HPCAL4: variants seen among roughly 807,000 people sequenced by gnomAD.
HPCAL4 encodes the protein hippocalcin-like protein 4.
Under a neutral mutation model 18.2 loss-of-function variants are expected in HPCAL4, and 16 were observed. The observed-to-expected ratio is 0.88, with a 90% CI of 0.59 to 1.33. The LOEUF (loss-of-function observed/expected upper bound fraction) is 1.33. Among genes scored for constraint, HPCAL4 ranks in the 40% most tolerant of loss-of-function variants. HPCAL4 has a pLI of 0.00. For missense variants in HPCAL4, 214 were observed against 256.6 expected (o/e 0.83, Z 1.14); for synonymous variants, 80 against 97.5 (o/e 0.82, Z 1.06).
chr1:39,683,831 C>A (rs982851803), intron 3 of HPCAL4, 106 bp downstream of exon 3: 5 of 982,690 alleles, frequency 5.1e-6, no homozygotes, highest in Non-Finnish European at 7.7e-6. Flanking sequence ...GGATCGCAGG[C>A]TGGGGAGCAG....
At chr1:39,686,782 G>T (rs952805316) in intron 1 of HPCAL4, among the ~76,000 whole-genome samples, 1 of 151,744 alleles carries the variant, frequency 6.6e-6, no homozygotes, top group South Asian at 2.1e-4. Context: ...ACCTCCCTGG[G>T]AGGAATGTCC....
rs1329499135 is a variant in HPCAL4 at position 39,682,324 on chromosome 1, G to A, written c.*212C>T. On this transcript the variant is annotated 3_prime_UTR_variant, in exon 4 of 4. Transcript: ENST00000372844. The stretch of plus-strand genomic sequence containing the variant: ...TCTGGCCAAGTGGGAGGTGGGGCTA[G>A]AAGACAGGGTACTGGAGGACCTGTC... The A allele has an allele frequency of 1.7e-6, 1 of 577,878 alleles. No individual in the cohort carries two copies. Among genetic ancestry groups the A allele is most frequent in the Non-Finnish European group, 3.1e-6 (1 of 323,134 alleles). The allele number at this position is 577,878 out of a possible 1,614,324, so 35.8% of individuals were successfully genotyped here.
Position 39,681,260 on chromosome 1 carries a change from C to T in HPCAL4, c.*1276G>A, listed in dbSNP as rs770622199. 3 of 152,202 alleles carry T rather than the reference C, an allele frequency of 2.0e-5. No individual in the cohort carries two copies. Among genetic ancestry groups the T allele is most frequent in the Admixed American group, 2.0e-4 (3 of 15,278 alleles). The allele number at this position is 152,202 out of a possible 1,614,324, so 9.4% of individuals were successfully genotyped here. On this transcript the variant is annotated 3_prime_UTR_variant, in exon 4 of 4. Transcript: ENST00000372844. ...CCTGGCACATTTTTAGGCATTTCGT[C>T]CATAAATTATGTCTGGGTGCCTAAA...
At position 39,684,574 on chromosome 1, in the gene HPCAL4, G is replaced by C; in HGVS notation, c.30C>G (p.Pro10=). MGKTNSKLA[P]EVLEDLVQNT... ...TCTGAACAAGGTCCTCCAGCACCTC[G>C]GGGGCCAGCTTGCTGTTGGTCTTCC... Residue 10 remains proline (P), a synonymous_variant, in exon 2 of 4, where the codon CCC becomes CCG. Coordinates refer to ENST00000372844, the MANE Select transcript of HPCAL4 (RefSeq NM_016257.4). 1 of 1,607,900 alleles carries C rather than the reference G, an allele frequency of 6.2e-7. No individual in the cohort carries two copies. Among genetic ancestry groups the C allele is most frequent in the South Asian group, 1.1e-5 (1 of 90,254 alleles).
rs1646633999 is a variant in HPCAL4 at position 39,682,431 on chromosome 1, A to G, written c.*105T>C. 3 of 1,032,766 alleles carry G rather than the reference A, an allele frequency of 2.9e-6. No individual in the cohort carries two copies. Among genetic ancestry groups the G allele is most frequent in the African/African-American group, 3.1e-5 (2 of 64,010 alleles). 64.0% of individuals were successfully genotyped at this position (1,032,766 alleles called of 1,614,324 possible). A position where few individuals can be genotyped will look rare whatever the true frequency, so the allele number is the denominator to read the frequency against. ...GGGCAGAGGACTGGGTGGGCCAGAG[A>G]GGGGGGCTGGAGTGTCCCTCCTCCT... On this transcript the variant is annotated 3_prime_UTR_variant, in exon 4 of 4. Transcript: ENST00000372844.
Position 39,682,614 on chromosome 1 carries a change from A to G in HPCAL4, c.498T>C (p.Ile166=). ...CTGCCTCCTTGAACTCCTCCAATGT[A>G]ATCTGGTCGTCCTTATCCTGGTCCA... ...KKMDQDKDDQ[I]TLEEFKEAAK... The change falls in exon 4 of 4, where the codon ATT becomes ATC. Residue 166 remains isoleucine, a synonymous_variant. Transcript: ENST00000372844. The G allele has an allele frequency of 6.2e-7, 1 of 1,614,238 alleles. No homozygotes were observed. Among genetic ancestry groups the G allele is most frequent in the Non-Finnish European group, 8.5e-7 (1 of 1,180,048 alleles).
chr1:39,684,188 G>GGGCC (rs1646652788), intron 2 of HPCAL4, 36 bp from the exon 3 acceptor site: 1 of 1,423,040 alleles, frequency 7.0e-7, no homozygotes, highest in Non-Finnish European at 9.5e-7. Flanking sequence ...CGCAGCGACA[G>GGGCC]CCCCGCCCAC....
At chr1:39,691,106 A>G (rs61310802) in intron 1 of HPCAL4, 200 bp downstream of exon 1, 44,390 of 152,288 alleles carry the variant, frequency 0.29, 6,730 homozygotes, top group Non-Finnish European at 0.33. Flanking sequence ...CCTTCTCTGC[A>G]CCCATGGGCC....
Position 39,684,565 on chromosome 1 carries a change from C to T in HPCAL4, c.39G>A (p.Leu13=). 6.2e-7 allele frequency: 1 copy of T among 1,611,288 alleles called. No individual in the cohort carries two copies. The highest frequency in any genetic ancestry group is 8.5e-7 in the Non-Finnish European group (1 of 1,178,544). ...ACTCAGTGTTCTGAACAAGGTCCTCCAGCACCTCGGGGGCCAGCTTGCTGT... is the reference window on the plus strand; with the variant it reads ...ACTCAGTGTTCTGAACAAGGTCCTCTAGCACCTCGGGGGCCAGCTTGCTGT... ...KTNSKLAPEV[L]EDLVQNTEFS... Residue 13 remains leucine, a synonymous_variant, in exon 2 of 4, where the codon CTG becomes CTA. Coordinates refer to ENST00000372844, the MANE Select transcript of HPCAL4 (RefSeq NM_016257.4).
chr1:39,686,352 A>G (rs1646675405), intron 1 of HPCAL4, among the ~76,000 whole-genome samples: 3 of 152,172 alleles, frequency 2.0e-5, no homozygotes, highest in Admixed American at 1.3e-4. Context: ...CCCTGTCTCA[A>G]AAAAGAAAAA....
chr1:39,684,314 C>A, intron 2 of HPCAL4, 128 bp downstream of exon 2: 1 of 1,175,350 alleles, frequency 8.5e-7, no homozygotes. Context: ...CCGGGTGCCT[C>A]GCCTCCCCTC....
chr1:39,684,992 A>G (rs2090435), intron 1 of HPCAL4, among the ~76,000 whole-genome samples: 127,313 of 152,242 alleles, frequency 0.84, 53,301 homozygotes, highest in Middle Eastern at 0.88. Context: ...CTGTCCTGAG[A>G]AGGGACCCAA....
intron 1 of HPCAL4, among the ~76,000 whole-genome samples, chr1:39,688,995 T>C (rs1054797091): frequency 1.3e-5 from 2 of 152,162 alleles, no homozygotes; most frequent in African/African-American, 4.8e-5. Context: ...AATTCCAGGA[T>C]GCAGTCTGAT....
chr1:39,684,531 G>A lies in HPCAL4; in HGVS notation c.73C>T (p.Gln25Ter). 1 of 1,613,616 alleles carries A rather than the reference G, an allele frequency of 6.2e-7. No homozygotes were observed. Among genetic ancestry groups the A allele is most frequent in the Non-Finnish European group, 8.5e-7 (1 of 1,179,750 alleles). ...DLVQNTEFSE[Q>*]ELKQWYKGFL... Reference sequence around the variant, plus strand: ...CCCTTGTACCACTGCTTCAGCTCCTGCTCGCTGAACTCAGTGTTCTGAACA... The same window carrying A: ...CCCTTGTACCACTGCTTCAGCTCCTACTCGCTGAACTCAGTGTTCTGAACA... Residue 25 changes from glutamine (Q) to a stop codon, truncating the protein, a stop_gained, in exon 2 of 4, where the codon CAG (glutamine) becomes TAG (stop). Coordinates refer to ENST00000372844, the MANE Select transcript of HPCAL4 (RefSeq NM_016257.4). LOFTEE classifies it high-confidence loss of function.
rs866196200 is a variant in HPCAL4 at position 39,682,681 on chromosome 1, C to T, written c.431G>A (p.Gly144Glu). Residue 144 changes from glycine (G) to glutamate (E), a missense_variant, in exon 4 of 4, where the codon GGG becomes GAG. Transcript: ENST00000372844. ...GTCCACACGCTGCTGGGGCGTGAGC[C>T]CGTCCTGGTTCATGCGCATCATGAT... is the stretch of plus-strand genomic sequence containing the variant. ...TVIMMRMNQDGLTPQQRVDKI... is the reference protein window; with the variant it reads ...TVIMMRMNQDELTPQQRVDKI... The T allele has an allele frequency of 1.2e-6, 2 of 1,614,208 alleles. No homozygotes were observed. Among genetic ancestry groups the T allele is most frequent in the South Asian group, 2.2e-5 (2 of 91,080 alleles).
At chr1:39,683,143 C>A (rs1646642060) in intron 3 of HPCAL4, among the ~76,000 whole-genome samples, 1 of 152,196 alleles carries the variant, frequency 6.6e-6, no homozygotes, top group African/African-American at 2.4e-5. Context: ...CTCACCCTCC[C>A]AAAGTGCTAG....
In HPCAL4 at chr1:39,679,951, G is replaced by C. The variant is rs1212493531; in HGVS notation, c.*2585C>G. 1 of 152,634 alleles carries C rather than the reference G, an allele frequency of 6.6e-6. No homozygotes were observed. The highest frequency in any genetic ancestry group is 1.9e-4 in the East Asian group (1 of 5,198). 9.5% of individuals were successfully genotyped at this position (152,634 alleles called of 1,614,324 possible). On this transcript the variant is annotated 3_prime_UTR_variant, in exon 4 of 4. Coordinates refer to ENST00000372844, the MANE Select transcript of HPCAL4 (RefSeq NM_016257.4). ...GCATGTTTCTCTTAGTGAAGATGATGGTGGGTAAAGACAATGCAGGATGCT... is the reference window on the plus strand; with the variant it reads ...GCATGTTTCTCTTAGTGAAGATGATCGTGGGTAAAGACAATGCAGGATGCT...
At chr1:39,683,791 C>T in intron 3 of HPCAL4, 146 bp downstream of exon 3, 1 of 712,304 alleles carries the variant, frequency 1.4e-6, no homozygotes. Context: ...AAGCATTTAG[C>T]CCGGGCCTGT....
At chr1:39,690,378 T>C (rs1646708877) in intron 1 of HPCAL4, among the ~76,000 whole-genome samples, 1 of 152,190 alleles carries the variant, frequency 6.6e-6, no homozygotes, top group Admixed American at 6.5e-5. Context: ...CCTCCAGGTA[T>C]AGTTCACTTT....
Sources: allele counts gnomAD v4.1 joint callset (sites outside exome capture counted in the v4.1 genomes callset), GRCh38; gene constraint gnomAD v4.1.1; transcripts MANE v1.5; gene names NCBI Gene and HGNC (gene_info 2026-07-23, HGNC 2026-07-21).